Variants in PSMB2 observed in about 807,000 individuals in gnomAD.
PSMB2 encodes proteasome subunit beta type-2.
A neutral mutation model predicts 25.7 loss-of-function variants in PSMB2; 13 were observed. That is an observed-to-expected ratio of 0.51 (90% CI 0.33 to 0.80). PSMB2 has a LOEUF of 0.80. Among genes scored for constraint, PSMB2 ranks in the 30% least tolerant of loss-of-function variants. The pLI, the probability that PSMB2 is intolerant of heterozygous loss-of-function variation, is 0.02. For missense variants in PSMB2, 202 were observed against 259.0 expected (o/e 0.78, Z 1.51); for synonymous variants, 87 against 96.2 (o/e 0.90, Z 0.56).
chr1:35,640,667 C>T lies in PSMB2; in HGVS notation c.91+675G>A, dbSNP rs184376206. On this transcript the variant is annotated intron_variant, in intron 1 of 5. Transcript: ENST00000373237. Reference sequence around the variant, plus strand: ...TCAGAGATTCGGGGATCTAGAGAGCCAGTCCCACAGTCTCACTCTCCTCAG... The same window carrying T: ...TCAGAGATTCGGGGATCTAGAGAGCTAGTCCCACAGTCTCACTCTCCTCAG... Among the ~76,000 whole-genome samples the T allele has an allele frequency of 2.8e-3, 413 of 147,444 alleles. 6 individuals are homozygous for T. The highest frequency in any genetic ancestry group is 4.5e-3 in the Admixed American group (67 of 15,002).
intron 3 of PSMB2, among the ~76,000 whole-genome samples, chr1:35,628,631 A>ATTTT (rs138110586): frequency 7.9e-5 from 3 of 38,080 alleles, no homozygotes; most frequent in Admixed American, 5.5e-4. Flanking sequence ...ATATATATAT[A>ATTTT]TTTTTTTTTT....
chr1:35,615,499 G>A (rs1415635813), intron 3 of PSMB2, among the ~76,000 whole-genome samples: 1 of 152,212 alleles, frequency 6.6e-6, no homozygotes, highest in Non-Finnish European at 1.5e-5. Context: ...GTAACTAAGA[G>A]CGTGAAATTC....
Position 35,600,376 on chromosome 1 carries a change from G to A in PSMB2, c.*2891C>T. ...AATACTAATACACCAACCAATGTTG[G>A]TTTCTCAGTTTTGACAAACATACTG... is the stretch of plus-strand genomic sequence containing the variant. On this transcript the variant is annotated 3_prime_UTR_variant, in exon 6 of 6. Coordinates refer to ENST00000373237, the MANE Select transcript of PSMB2 (RefSeq NM_002794.5). 1.2e-6 allele frequency: 1 copy of A among 831,348 alleles called. No homozygotes were observed. Among genetic ancestry groups the A allele is most frequent in the Non-Finnish European group, 1.4e-6 (1 of 689,784 alleles). 51.5% of individuals were successfully genotyped at this position (831,348 alleles called of 1,614,324 possible).
chr1:35,621,578 G>A (rs1480266583), intron 3 of PSMB2, among the ~76,000 whole-genome samples: 1 of 152,066 alleles, frequency 6.6e-6, no homozygotes, highest in Admixed American at 6.5e-5. Flanking sequence ...TTGCTCTGTT[G>A]TCTACATTCA....
chr1:35,601,351 G>C lies in PSMB2; in HGVS notation c.*1916C>G, dbSNP rs1046019849. On this transcript the variant is annotated 3_prime_UTR_variant, in exon 6 of 6. Transcript: ENST00000373237. ...GGGCGGCCAAAGTGCTGGGATTACAGGCATGAGCCACCGCACCCGGCCAAC... is the reference window on the plus strand; with the variant it reads ...GGGCGGCCAAAGTGCTGGGATTACACGCATGAGCCACCGCACCCGGCCAAC... The C allele has an allele frequency of 1.3e-5, 13 of 983,820 alleles. No homozygotes were observed. Among genetic ancestry groups the C allele is most frequent in the Middle Eastern group, 1.0e-3 (2 of 1,912 alleles). 60.9% of individuals were successfully genotyped at this position (983,820 alleles called of 1,614,324 possible).
chr1:35,619,677 T>C (rs1650620881), intron 3 of PSMB2, among the ~76,000 whole-genome samples: 1 of 152,258 alleles, frequency 6.6e-6, no homozygotes, highest in Non-Finnish European at 1.5e-5. Flanking sequence ...CCAAAGTTAC[T>C]ATAAATTTTA....
At chr1:35,631,560 CAG>C in intron 2 of PSMB2, 1 of 1,302,698 alleles carries the variant, frequency 7.7e-7, no homozygotes, top group Non-Finnish European at 1.0e-6. Context: ...TGGCCACAAA[CAG>C]AACCAGTTCT....
intron 3 of PSMB2, among the ~76,000 whole-genome samples, chr1:35,630,789 C>T (rs1343562161): frequency 6.6e-6 from 1 of 152,138 alleles, no homozygotes; most frequent in Non-Finnish European, 1.5e-5. Context: ...TTGTCCAAAC[C>T]CATAACATCC....
intron 3 of PSMB2, among the ~76,000 whole-genome samples, chr1:35,617,206 G>A (rs1249851751): frequency 2.6e-5 from 4 of 152,054 alleles, no homozygotes; most frequent in African/African-American, 9.7e-5. Flanking sequence ...ACGCCACCAC[G>A]CCAGGCTAAT....
intron 3 of PSMB2, among the ~76,000 whole-genome samples, chr1:35,622,717 A>G (rs1363995045): frequency 1.3e-5 from 2 of 151,760 alleles, no homozygotes; most frequent in South Asian, 4.2e-4. Context: ...ACCTTCTCAC[A>G]TACAACCCCC....
In PSMB2 at chr1:35,599,954, G is replaced by A. The variant is rs1649941671; in HGVS notation, c.*3313C>T. 6.7e-6 allele frequency: 5 copies of A among 740,950 alleles called. No individual in the cohort carries two copies. The highest frequency in any genetic ancestry group is 6.6e-6 in the Non-Finnish European group (4 of 607,232). The allele number at this position is 740,950 out of a possible 1,614,324, so 45.9% of individuals were successfully genotyped here. ...TCGAGACCAGCCTAGGCAACATGGC[G>A]AGACCCTGTCTCTACAAAAAATTTT... On this transcript the variant is annotated 3_prime_UTR_variant, in exon 6 of 6. Coordinates refer to ENST00000373237, the MANE Select transcript of PSMB2 (RefSeq NM_002794.5).
In PSMB2 at chr1:35,604,767, C is replaced by T. The variant is rs780719715; in HGVS notation, c.498+466G>A. ...TGCACTCCAGCCTGGGCAACAAAAG[C>T]GAAACTCCGTCTCAAATAAAAAAAT... On this transcript the variant is annotated intron_variant, in intron 5 of 5. Coordinates refer to ENST00000373237, the MANE Select transcript of PSMB2 (RefSeq NM_002794.5). 8.0e-4 allele frequency among the ~76,000 whole-genome samples: 122 copies of T among 152,204 alleles called. 1 individual carries two copies. In the Middle Eastern group the frequency reaches 0.034, roughly 42 times the overall value.
chr1:35,622,810 T>TA (rs113355309), intron 3 of PSMB2, among the ~76,000 whole-genome samples: 3,900 of 133,092 alleles, frequency 0.029, 170 homozygotes, highest in African/African-American at 0.094. Context: ...ACAGCACATT[T>TA]AAAAAAAAAA....
At position 35,634,053 on chromosome 1, in the gene PSMB2, G is replaced by A. The variant is rs779422112; in HGVS notation, c.214+2257C>T. Among the ~76,000 whole-genome samples, 7 of 152,154 alleles carry A rather than the reference G, an allele frequency of 4.6e-5. No individual in the cohort carries two copies. The South Asian group carries it at 6.2e-4, about 14-fold the overall frequency. On this transcript the variant is annotated intron_variant, in intron 2 of 5. Coordinates refer to ENST00000373237, the MANE Select transcript of PSMB2 (RefSeq NM_002794.5). ...GATCAGAGGCCTAGTGGCTAGTATC[G>A]TTTGCTAGGGAGGTTTTCCCAGTGG... is the stretch of plus-strand genomic sequence containing the variant.
rs766809800 is a variant in PSMB2 at position 35,641,418 on chromosome 1, G to C, written c.15C>G (p.Ile5Met). The C allele has an allele frequency of 6.2e-7, 1 of 1,614,112 alleles. No homozygotes were observed. The highest frequency in any genetic ancestry group is 1.1e-5 in the South Asian group (1 of 91,082). Residue 5 changes from isoleucine to methionine, a missense_variant, in exon 1 of 6, where the codon ATC becomes ATG. By Grantham distance (10) the Ile-to-Met change is conservative. Transcript: ENST00000373237. MEYL[I>M]GIQGPDYVLV... Reference sequence around the variant, plus strand: ...GAACATAGTCGGGGCCTTGGATACCGATGAGGTACTCCATGGTGGCGGAAG... The same window carrying C: ...GAACATAGTCGGGGCCTTGGATACCCATGAGGTACTCCATGGTGGCGGAAG...
At chr1:35,619,470 T>G (rs1159026548) in intron 3 of PSMB2, among the ~76,000 whole-genome samples, 1 of 152,224 alleles carries the variant, frequency 6.6e-6, no homozygotes, top group Non-Finnish European at 1.5e-5. Flanking sequence ...GTGCCCCATC[T>G]GTAATGTGGA....
intron 3 of PSMB2, among the ~76,000 whole-genome samples, chr1:35,618,137 A>C (rs905952654): frequency 6.6e-6 from 1 of 152,322 alleles, no homozygotes; most frequent in Admixed American, 6.5e-5. Flanking sequence ...TGAGGACCAA[A>C]CTAAGGAAAA....
chr1:35,620,979 C>A (rs371637766), intron 3 of PSMB2, among the ~76,000 whole-genome samples: 1 of 151,404 alleles, frequency 6.6e-6, no homozygotes, highest in South Asian at 2.1e-4. Context: ...TTTAGATTAT[C>A]GATTTTATGT....
intron 3 of PSMB2, among the ~76,000 whole-genome samples, chr1:35,625,060 C>CAA (rs5773505): frequency 2.6e-3 from 384 of 145,954 alleles, no homozygotes; most frequent in Middle Eastern, 0.014. Flanking sequence ...AACTCCACCT[C>CAA]AAAAAAAAAA....
Sources: gnomAD v4.1 joint callset for allele counts (sites outside exome capture counted in the v4.1 genomes callset) on GRCh38, gnomAD v4.1.1 for gene constraint, MANE v1.5 for transcripts, NCBI Gene and HGNC (gene_info 2026-07-23, HGNC 2026-07-21) for gene names.